The following SRPK2 variants were observed in gnomAD, a reference collection of about 807,000 sequenced individuals.
The protein encoded by SRPK2 is SRSF protein kinase 2.
A neutral mutation model predicts 90.8 loss-of-function variants in SRPK2; 21 were observed. That is an observed-to-expected ratio of 0.23 (90% CI 0.16 to 0.33). The LOEUF is 0.33. Among genes scored for constraint, SRPK2 ranks in the 10% least tolerant of loss-of-function variants. SRPK2 has a pLI of 1.00. For synonymous variants in SRPK2, 288 were observed against 311.1 expected, an observed-to-expected ratio of 0.93 and a Z score of 0.78; for missense variants, 620 against 869.0, an observed-to-expected ratio of 0.71 and a Z score of 3.60.
chr7:105,374,523 A>C (rs1820067118), intron 2 of SRPK2, among the ~76,000 whole-genome samples: 1 of 152,234 alleles, frequency 6.6e-6, no homozygotes, highest in Non-Finnish European at 1.5e-5. Flanking sequence ...CTGTCTAGCA[A>C]TAGGGAAATA....
At chr7:105,331,337 A>AAAAAAAAAAAAAAAAAAAAC (rs1554512429) in intron 2 of SRPK2, among the ~76,000 whole-genome samples, 1 of 141,822 alleles carries the variant, frequency 7.1e-6, no homozygotes, top group Non-Finnish European at 1.5e-5. Flanking sequence ...AAAAAAAAAA[A>AAAAAAAAAAAAAAAAAAAAC]CAAATAGTTA....
Position 105,142,461 on chromosome 7 carries a change from C to A in SRPK2, c.1090G>T (p.Asp364Tyr). Residue 364 changes from aspartate (D) to tyrosine (Y), a missense_variant, in exon 11 of 16, where the codon GAT becomes TAT. Coordinates refer to ENST00000393651, the MANE Select transcript of SRPK2 (RefSeq NM_182692.3). ...TTTTCAATGTTTTCTTTCTCAGCAT[C>A]TTCTTTCTCTTCCTGGTCCTCAGCT... is the stretch of plus-strand genomic sequence containing the variant. ...GEAEDQEEKE[D>Y]AEKENIEKDE... 1 of 1,611,628 alleles carries A rather than the reference C, an allele frequency of 6.2e-7. No individual in the cohort carries two copies. The highest frequency in any genetic ancestry group is 8.5e-7 in the Non-Finnish European group (1 of 1,179,118).
At chr7:105,206,222 G>A (rs1006056867) in intron 2 of SRPK2, among the ~76,000 whole-genome samples, 1 of 152,186 alleles carries the variant, frequency 6.6e-6, no homozygotes, top group South Asian at 2.1e-4. Context: ...TGCTGGGGGA[G>A]GAGGGGAGTC....
intron 2 of SRPK2, among the ~76,000 whole-genome samples, chr7:105,338,044 C>A (rs1815308439): frequency 6.8e-6 from 1 of 146,532 alleles, no homozygotes; most frequent in Non-Finnish European, 1.5e-5. Flanking sequence ...CTGAAGTTTC[C>A]TATAATTAAA....
chr7:105,141,578 T>G (rs1209349892), intron 11 of SRPK2, among the ~76,000 whole-genome samples: 1 of 152,166 alleles, frequency 6.6e-6, no homozygotes, highest in Admixed American at 6.5e-5. Flanking sequence ...AAAGACAATA[T>G]GACACTTCTT....
rs1390332745 is a variant in SRPK2 at position 105,170,953 on chromosome 7, AAGAAAGAAAGAAAGAGAAAGAAAG to A, written c.230-1712_230-1689del. On this transcript the variant is annotated intron_variant, in intron 3 of 15. Transcript: ENST00000393651. ...GAAAAAGGAAAGAAAGAAAGAAAGA[AAGAAAGAAAGAAAGAGAAAGAAAG>A]AGAAAGAAAGAAAGAAAGAGAAAGA... Among the ~76,000 whole-genome samples the A allele has an allele frequency of 6.7e-4, 31 of 46,544 alleles. 1 individual carries two copies. Among genetic ancestry groups the A allele is most frequent in the South Asian group, 2.1e-3 (3 of 1,428 alleles). 30.5% of individuals were successfully genotyped at this position (46,544 alleles called of 152,430 possible).
At chr7:105,321,529 A>C (rs1812936620) in intron 2 of SRPK2, among the ~76,000 whole-genome samples, 1 of 152,194 alleles carries the variant, frequency 6.6e-6, no homozygotes, top group Non-Finnish European at 1.5e-5. Context: ...AGGAAAATGA[A>C]AAGACAACCT....
chr7:105,171,401 C>T (rs1303441949), intron 3 of SRPK2, among the ~76,000 whole-genome samples: 1 of 152,216 alleles, frequency 6.6e-6, no homozygotes, highest in East Asian at 1.9e-4. Context: ...TATTTTACTA[C>T]TTTTTTACTT....
intron 2 of SRPK2, among the ~76,000 whole-genome samples, chr7:105,361,120 C>G (rs898421066): frequency 6.6e-6 from 1 of 152,178 alleles, no homozygotes. Flanking sequence ...TGATAAGCAA[C>G]TTCAGCAAAG....
At chr7:105,379,608 G>A (rs1820707397) in intron 2 of SRPK2, among the ~76,000 whole-genome samples, 1 of 152,170 alleles carries the variant, frequency 6.6e-6, no homozygotes, top group Admixed American at 6.6e-5. Flanking sequence ...CATTGAAGGG[G>A]TTTTATATAC....
intron 3 of SRPK2, among the ~76,000 whole-genome samples, chr7:105,176,719 GTGTGTGTA>G (rs1472052692): frequency 1.5e-4 from 17 of 112,046 alleles, no homozygotes; most frequent in Admixed American, 4.0e-4. Context: ...ATGTGTGTGT[GTGTGTGTA>G]TGTATGTATG....
intron 11 of SRPK2, among the ~76,000 whole-genome samples, chr7:105,133,810 T>C (rs761895100): frequency 3.3e-5 from 5 of 152,192 alleles, no homozygotes; most frequent in Admixed American, 1.3e-4. Context: ...ACTTGTCATG[T>C]ACATGAGCAG....
chr7:105,153,341 A>T (rs887276117), intron 7 of SRPK2, among the ~76,000 whole-genome samples: 1 of 151,974 alleles, frequency 6.6e-6, no homozygotes, highest in Non-Finnish European at 1.5e-5. Flanking sequence ...TTTTCCTTGA[A>T]CCTCAAATTC....
intron 2 of SRPK2, among the ~76,000 whole-genome samples, chr7:105,241,952 T>A (rs1351612650): frequency 6.6e-6 from 1 of 151,980 alleles, no homozygotes; most frequent in African/African-American, 2.4e-5. Flanking sequence ...GGGGCCACTT[T>A]TACAGTCTGC....
chr7:105,329,796 G>A (rs1042449847), intron 2 of SRPK2, among the ~76,000 whole-genome samples: 13 of 151,928 alleles, frequency 8.6e-5, no homozygotes, highest in African/African-American at 2.2e-4. Flanking sequence ...TTAGGAGGCC[G>A]AGACGGGCAA....
At chr7:105,294,514 T>C (rs1809522246) in intron 2 of SRPK2, among the ~76,000 whole-genome samples, 1 of 12,906 alleles carries the variant, frequency 7.7e-5, no homozygotes, top group Admixed American at 6.5e-4. Flanking sequence ...TTGCTGTTTT[T>C]TTGTTTTGTT....
chr7:105,325,356 T>A (rs763999740), intron 2 of SRPK2, among the ~76,000 whole-genome samples: 1 of 152,056 alleles, frequency 6.6e-6, no homozygotes, highest in African/African-American at 2.4e-5. Context: ...AGCTGGTATG[T>A]ATGGCTAAGG....
At chr7:105,197,849 G>A (rs1427064017) in intron 3 of SRPK2, among the ~76,000 whole-genome samples, 1 of 152,172 alleles carries the variant, frequency 6.6e-6, no homozygotes, top group African/African-American at 2.4e-5. Flanking sequence ...TTCAAGAGAT[G>A]AAAACTGTAC....
At chr7:105,208,644 A>AG (rs1191327645) in intron 2 of SRPK2, among the ~76,000 whole-genome samples, 4 of 152,132 alleles carry the variant, frequency 2.6e-5, no homozygotes, top group Non-Finnish European at 5.9e-5. Context: ...GGGGAAATGG[A>AG]GAAAAAAGGA....
Sources: allele counts gnomAD v4.1 joint callset (sites outside exome capture counted in the v4.1 genomes callset), GRCh38; gene constraint gnomAD v4.1.1; transcripts MANE v1.5; gene names NCBI Gene and HGNC (gene_info 2026-07-23, HGNC 2026-07-21).